Variants in RAPGEF5 observed in about 807,000 individuals in gnomAD.
RAPGEF5 encodes the protein M-Ras-regulated GEF.
In RAPGEF5, 65 loss-of-function variants were observed where a neutral mutation model predicts 125.2. The observed-to-expected ratio is 0.52, with a 90% CI of 0.43 to 0.64. The LOEUF (loss-of-function observed/expected upper bound fraction) is 0.64. Ranked by LOEUF, RAPGEF5 falls within the 30% of genes least tolerant of loss-of-function variation. The pLI, the probability that RAPGEF5 is intolerant of heterozygous loss-of-function variation, is 0.00. For missense variants in RAPGEF5, 958 were observed against 1,048.1 expected (o/e 0.91, Z 1.19); for synonymous variants, 391 against 385.9 (o/e 1.01, Z -0.16).
At chr7:22,231,728 T>G (rs1402204848) in intron 7 of RAPGEF5, among the ~76,000 whole-genome samples, 1 of 152,224 alleles carries the variant, frequency 6.6e-6, no homozygotes. Flanking sequence ...CTGGATTACT[T>G]TTCTCTTTAG....
chr7:22,193,554 A>G (rs1785064518), intron 10 of RAPGEF5, 99 bp from the exon 11 acceptor site: 1 of 1,551,856 alleles, frequency 6.4e-7, no homozygotes, highest in East Asian at 2.4e-5. Flanking sequence ...TGTATTTGAA[A>G]TAAGGCACAT....
intron 7 of RAPGEF5, among the ~76,000 whole-genome samples, chr7:22,251,220 TAC>T (rs1332203905): frequency 6.6e-6 from 1 of 152,180 alleles, no homozygotes; most frequent in Non-Finnish European, 1.5e-5. Context: ...TGTTGTACCT[TAC>T]AGAGAAGCAG....
intron 7 of RAPGEF5, among the ~76,000 whole-genome samples, chr7:22,234,618 T>A (rs1252893591): frequency 6.6e-6 from 1 of 152,162 alleles, no homozygotes; most frequent in Non-Finnish European, 1.5e-5. Flanking sequence ...GAACTAAGCA[T>A]GTATGTGGAT....
intron 9 of RAPGEF5, among the ~76,000 whole-genome samples, chr7:22,199,950 A>G (rs2128127850): frequency 6.6e-6 from 1 of 152,356 alleles, no homozygotes; most frequent in Admixed American, 6.5e-5. Flanking sequence ...TTCTGGATCA[A>G]GAGTCAGGGC....
chr7:22,340,972 G>A (rs993608589), intron 1 of RAPGEF5, among the ~76,000 whole-genome samples: 3 of 152,178 alleles, frequency 2.0e-5, no homozygotes, highest in African/African-American at 7.2e-5. Flanking sequence ...AGTAACACGA[G>A]GTGACTTATC....
chr7:22,301,220 T>C (rs983492412), intron 5 of RAPGEF5, among the ~76,000 whole-genome samples: 11 of 152,192 alleles, frequency 7.2e-5, no homozygotes, highest in African/African-American at 2.7e-4. Flanking sequence ...GCTCCATCAA[T>C]AGATTATTCT....
chr7:22,130,934 T>G, intron 24 of RAPGEF5, 103 bp downstream of exon 24: 1 of 1,447,060 alleles, frequency 6.9e-7, no homozygotes, highest in Non-Finnish European at 9.3e-7. Context: ...TCGCCATGCA[T>G]CCAATGGAGA....
intron 1 of RAPGEF5, among the ~76,000 whole-genome samples, chr7:22,320,079 C>A (rs1196496978): frequency 6.6e-6 from 1 of 152,188 alleles, no homozygotes; most frequent in East Asian, 1.9e-4. Flanking sequence ...GTTAGATAAG[C>A]TACTGGCCCC....
intron 6 of RAPGEF5, among the ~76,000 whole-genome samples, chr7:22,284,421 TG>T (rs1782749435): frequency 6.6e-6 from 1 of 152,128 alleles, no homozygotes; most frequent in African/African-American, 2.4e-5. Context: ...AGAAAAAAGT[TG>T]CTACCAGAAT....
intron 11 of RAPGEF5, among the ~76,000 whole-genome samples, chr7:22,171,644 G>A (rs571074312): frequency 2.5e-4 from 38 of 152,232 alleles, no homozygotes; most frequent in Admixed American, 1.1e-3. Context: ...GACTACAGGT[G>A]TGCGCTACCA....
chr7:22,229,900 T>C (rs1786017054), intron 8 of RAPGEF5, among the ~76,000 whole-genome samples: 2 of 152,260 alleles, frequency 1.3e-5, no homozygotes, highest in Non-Finnish European at 2.9e-5. Context: ...ACTGGTTTCA[T>C]GATTTCATCC....
intron 1 of RAPGEF5, among the ~76,000 whole-genome samples, chr7:22,354,577 T>C (rs1784388325): frequency 6.6e-6 from 1 of 152,168 alleles, no homozygotes; most frequent in Admixed American, 6.5e-5. Flanking sequence ...TACAAAATTC[T>C]TATGTTGAAG....
At chr7:22,273,219 T>C (rs2066027740) in intron 6 of RAPGEF5, among the ~76,000 whole-genome samples, 1 of 139,264 alleles carries the variant, frequency 7.2e-6, no homozygotes, top group African/African-American at 2.7e-5. Flanking sequence ...GTATTTTTTT[T>C]TTTTTTTTTT....
intron 5 of RAPGEF5, among the ~76,000 whole-genome samples, chr7:22,292,564 G>C (rs191017500): frequency 4.5e-4 from 69 of 152,258 alleles, no homozygotes; most frequent in African/African-American, 1.6e-3. Flanking sequence ...TGAGTATTTT[G>C]AACAAGCTTT....
chr7:22,204,282 A>G (rs901068300), intron 9 of RAPGEF5, among the ~76,000 whole-genome samples: 2 of 152,218 alleles, frequency 1.3e-5, no homozygotes, highest in African/African-American at 4.8e-5. Context: ...AATTATTTGA[A>G]AAAGCTAGTT....
chr7:22,289,331 T>G (rs1782875303), intron 6 of RAPGEF5, among the ~76,000 whole-genome samples: 1 of 152,244 alleles, frequency 6.6e-6, no homozygotes, highest in Admixed American at 6.5e-5. Context: ...AGGAGAATAT[T>G]GGAGATAAAA....
chr7:22,298,390 G>A (rs1172884292), intron 5 of RAPGEF5, among the ~76,000 whole-genome samples: 3 of 151,938 alleles, frequency 2.0e-5, no homozygotes, highest in Non-Finnish European at 4.4e-5. Context: ...TATTGGTCAG[G>A]CTGGTCTCAA....
At chr7:22,172,496 TATGTACCA>T (rs1475732878) in intron 11 of RAPGEF5, among the ~76,000 whole-genome samples, 6 of 152,170 alleles carry the variant, frequency 3.9e-5, no homozygotes, top group Non-Finnish European at 7.4e-5. Flanking sequence ...ATTTCTCTTG[TATGTACCA>T]ATTAAAACAT....
chr7:22,125,582 G>C (rs751184977), intron 25 of RAPGEF5, 22 bp downstream of exon 25: 2 of 1,596,042 alleles, frequency 1.3e-6, no homozygotes, highest in African/African-American at 1.3e-5. Context: ...TTTACATTCC[G>C]CACCTGACTT....
Sources: gnomAD v4.1 joint callset for allele counts (sites outside exome capture counted in the v4.1 genomes callset) on GRCh38, gnomAD v4.1.1 for gene constraint, MANE v1.5 for transcripts, NCBI Gene and HGNC (gene_info 2026-07-23, HGNC 2026-07-21) for gene names.